KIAA1217: variants seen among roughly 807,000 people sequenced by gnomAD.
The protein encoded by KIAA1217 is KIAA1217, also known as sickle tail protein homolog.
In KIAA1217, 88 loss-of-function variants were observed where a neutral mutation model predicts 163.9. The observed-to-expected ratio is 0.54, with a 90% confidence interval of 0.45 to 0.64. The LOEUF (loss-of-function observed/expected upper bound fraction) is 0.64. KIAA1217 is among the 30% of genes least tolerant of loss of function. The pLI is 0.00. For synonymous variants in KIAA1217, 903 were observed against 923.1 expected (o/e 0.98, Z 0.39); for missense variants, 2,372 against 2,475.0 (o/e 0.96, Z 0.88).
chr10:24,322,086 TC>T (rs2044240361), intron 2 of KIAA1217, among the ~76,000 whole-genome samples: 1 of 151,994 alleles, frequency 6.6e-6, no homozygotes, highest in South Asian at 2.1e-4. Flanking sequence ...GTAGCTGGGA[TC>T]ACAGGTGCAT....
chr10:24,004,914 G>T (rs1327046755), intron 1 of KIAA1217, among the ~76,000 whole-genome samples: 1 of 152,248 alleles, frequency 6.6e-6, no homozygotes, highest in Non-Finnish European at 1.5e-5. Flanking sequence ...GTGACCAGAA[G>T]CCTTGTTTGG....
chr10:24,340,473 A>G (rs1434290119), intron 2 of KIAA1217, among the ~76,000 whole-genome samples: 1 of 152,208 alleles, frequency 6.6e-6, no homozygotes, highest in Non-Finnish European at 1.5e-5. Context: ...ACCACTTGGA[A>G]GTATGAGTCC....
intron 7 of KIAA1217, 56 bp downstream of exon 7, chr10:24,494,660 A>G: frequency 2.6e-6 from 3 of 1,145,664 alleles, no homozygotes. Flanking sequence ...TCTTTTAATC[A>G]TTAAGATAAT....
At chr10:23,711,630 T>A (rs1336778344) in intron 1 of KIAA1217, among the ~76,000 whole-genome samples, 1 of 152,196 alleles carries the variant, frequency 6.6e-6, no homozygotes, top group African/African-American at 2.4e-5. Flanking sequence ...CCTGCACAGA[T>A]GTGCTTATTA....
chr10:24,033,517 T>C (rs1162281984), intron 2 of KIAA1217, among the ~76,000 whole-genome samples: 2 of 152,260 alleles, frequency 1.3e-5, no homozygotes, highest in East Asian at 3.8e-4. Context: ...CAATATTGGC[T>C]GTTCTTGGAG....
intron 2 of KIAA1217, among the ~76,000 whole-genome samples, chr10:24,171,448 A>C (rs115725320): frequency 0.017 from 2,636 of 152,360 alleles, 26 homozygotes; most frequent in Middle Eastern, 0.058. Context: ...TAAAAATTGA[A>C]AATGTTTAAT....
chr10:24,207,282 T>TCTCACACA (rs529791287), upstream of KIAA1217, among the ~76,000 whole-genome samples: 584 of 140,224 alleles, frequency 4.2e-3, 5 homozygotes, highest in African/African-American at 0.016. Flanking sequence ...TCTCTCTCTC[T>TCTCACACA]CACACACACA....
At chr10:24,231,265 G>T (rs1191338753) in intron 2 of KIAA1217, among the ~76,000 whole-genome samples, 3 of 152,174 alleles carry the variant, frequency 2.0e-5, no homozygotes, top group Non-Finnish European at 2.9e-5. Flanking sequence ...GAGCTGAGCA[G>T]TGATCGTACC....
chr10:24,071,843 G>A (rs1226525845), intron 2 of KIAA1217, among the ~76,000 whole-genome samples: 1 of 152,134 alleles, frequency 6.6e-6, no homozygotes, highest in Non-Finnish European at 1.5e-5. Context: ...CTATAACACA[G>A]AGGGACAGAT....
At chr10:24,079,722 A>G (rs568641854) in intron 2 of KIAA1217, among the ~76,000 whole-genome samples, 1 of 152,266 alleles carries the variant, frequency 6.6e-6, no homozygotes, top group Non-Finnish European at 1.5e-5. Flanking sequence ...TGGTTGTGAT[A>G]ACTTTTGGGA....
intron 2 of KIAA1217, among the ~76,000 whole-genome samples, chr10:24,088,858 A>C (rs945326546): frequency 5.6e-5 from 7 of 124,726 alleles, no homozygotes; most frequent in African/African-American, 1.8e-4. Context: ...TAGATCCCTG[A>C]GGAATCGCCA....
At chr10:23,925,154 A>G (rs1007475013) in intron 1 of KIAA1217, among the ~76,000 whole-genome samples, 1 of 152,172 alleles carries the variant, frequency 6.6e-6, no homozygotes, top group African/African-American at 2.4e-5. Flanking sequence ...AGGAAGATAG[A>G]TAGGGAAAGA....
chr10:24,217,002 A>G (rs1451620124), intron 1 of KIAA1217, among the ~76,000 whole-genome samples: 1 of 129,122 alleles, frequency 7.7e-6, no homozygotes, highest in Non-Finnish European at 1.6e-5. Flanking sequence ...ACTGCATTCC[A>G]GCCTGGGTGA....
chr10:23,831,492 C>T (rs1040377312), intron 1 of KIAA1217, among the ~76,000 whole-genome samples: 1 of 152,120 alleles, frequency 6.6e-6, no homozygotes, highest in Admixed American at 6.6e-5. Context: ...CAAATGAAGA[C>T]ATACACATGG....
At chr10:24,421,899 G>A (rs1298607742) in intron 3 of KIAA1217, among the ~76,000 whole-genome samples, 2 of 152,186 alleles carry the variant, frequency 1.3e-5, no homozygotes, top group Non-Finnish European at 2.9e-5. Context: ...GGATTTGAAT[G>A]TAAAATCCCT....
At chr10:23,934,844 C>A (rs2131321674) in intron 1 of KIAA1217, among the ~76,000 whole-genome samples, 1 of 151,530 alleles carries the variant, frequency 6.6e-6, no homozygotes, top group African/African-American at 2.4e-5. Context: ...GTCTCGATCT[C>A]CTGACCTCGT....
At chr10:23,885,086 A>C (rs1441972357) in intron 1 of KIAA1217, among the ~76,000 whole-genome samples, 1 of 152,016 alleles carries the variant, frequency 6.6e-6, no homozygotes, top group Non-Finnish European at 1.5e-5. Context: ...CAAAGAACAG[A>C]ATAAACAGAA....
intron 2 of KIAA1217, among the ~76,000 whole-genome samples, chr10:24,333,559 G>A (rs1591047149): frequency 6.6e-6 from 1 of 152,250 alleles, no homozygotes; most frequent in Non-Finnish European, 1.5e-5. Flanking sequence ...GTATAAAATG[G>A]GTTTCTTTCT....
At chr10:24,206,989 C>T (rs1344976795), upstream of KIAA1217, among the ~76,000 whole-genome samples, 1 of 152,130 alleles carries the variant, frequency 6.6e-6, no homozygotes, top group Non-Finnish European at 1.5e-5. Flanking sequence ...TCCAAACAGC[C>T]CCCAGGAAAT....
Sources: gnomAD v4.1 joint callset for allele counts (sites outside exome capture counted in the v4.1 genomes callset) on GRCh38, gnomAD v4.1.1 for gene constraint, MANE v1.5 for transcripts, NCBI Gene and HGNC (gene_info 2026-07-23, HGNC 2026-07-21) for gene names.